Variants in KIAA1217 observed in about 807,000 individuals in gnomAD.
KIAA1217 encodes sickle tail protein homolog.
A neutral mutation model predicts 163.9 loss-of-function variants in KIAA1217; 88 were observed. That is an observed-to-expected ratio of 0.54 (90% CI 0.45 to 0.64). The LOEUF (loss-of-function observed/expected upper bound fraction) is 0.64. Among genes scored for constraint, KIAA1217 ranks in the 30% least tolerant of loss-of-function variants. The probability of loss-of-function intolerance (pLI) is 0.00; values close to 1 mark genes in which losing one functional copy is unlikely to be tolerated. For synonymous variants in KIAA1217, 903 were observed against 923.1 expected, an observed-to-expected ratio of 0.98 and a Z score of 0.39; for missense variants, 2,372 against 2,475.0, an observed-to-expected ratio of 0.96 and a Z score of 0.88.
chr10:24,353,983 G>GCTGGGTTTT (rs1016292913), intron 2 of KIAA1217, among the ~76,000 whole-genome samples: 5 of 152,310 alleles, frequency 3.3e-5, no homozygotes, highest in African/African-American at 1.2e-4. Flanking sequence ...CAGAGCTGTA[G>GCTGGGTTTT]CTGGGTTTTC....
At chr10:24,456,244 T>C (rs1214240860) in intron 5 of KIAA1217, among the ~76,000 whole-genome samples, 1 of 152,230 alleles carries the variant, frequency 6.6e-6, no homozygotes, top group Non-Finnish European at 1.5e-5. Context: ...TGTTCTTACA[T>C]TGGCTGCATC....
intron 2 of KIAA1217, among the ~76,000 whole-genome samples, chr10:24,314,656 T>C (rs375047492): frequency 1.2e-4 from 18 of 152,196 alleles, no homozygotes; most frequent in African/African-American, 4.1e-4. Flanking sequence ...AAAATATACA[T>C]ATTGGCCGGG....
At chr10:23,946,451 A>C (rs954247568) in intron 1 of KIAA1217, among the ~76,000 whole-genome samples, 1 of 152,066 alleles carries the variant, frequency 6.6e-6, no homozygotes, top group African/African-American at 2.4e-5. Context: ...ATATGCATTC[A>C]TTTTTAATTT....
chr10:24,310,365 A>T (rs991898758), intron 2 of KIAA1217, among the ~76,000 whole-genome samples: 2 of 152,192 alleles, frequency 1.3e-5, no homozygotes, highest in South Asian at 4.1e-4. Context: ...GTGGAGTAAC[A>T]TGCCTAAGGC....
intron 2 of KIAA1217, among the ~76,000 whole-genome samples, chr10:24,300,274 G>C (rs1358242634): frequency 6.6e-6 from 1 of 152,132 alleles, no homozygotes; most frequent in Non-Finnish European, 1.5e-5. Context: ...GTTTCCTTTT[G>C]GGAGAATTAT....
intron 2 of KIAA1217, among the ~76,000 whole-genome samples, chr10:24,047,328 T>C (rs1188744283): frequency 6.6e-6 from 1 of 152,144 alleles, no homozygotes; most frequent in Non-Finnish European, 1.5e-5. Flanking sequence ...TCAAGTCTAA[T>C]TCTCTTCTGA....
Position 24,300,009 on chromosome 10 carries a change from C to T in KIAA1217, c.354+80100C>T, listed in dbSNP as rs78621759. On this transcript the variant is annotated intron_variant, in intron 2 of 20. Transcript: ENST00000376454. ...CAGATGCAAGAGATATAGCTTCACC[C>T]GTGCTTCCTATCTTCCTGTGATTTC... 1.0e-2 allele frequency among the ~76,000 whole-genome samples: 1,520 copies of T among 152,252 alleles called. 30 individuals are homozygous for T. Among genetic ancestry groups the T allele is most frequent in the East Asian group, 0.082 (424 of 5,148 alleles).
intron 2 of KIAA1217, among the ~76,000 whole-genome samples, chr10:24,303,117 G>C (rs962486848): frequency 1.3e-5 from 2 of 152,046 alleles, no homozygotes; most frequent in Non-Finnish European, 2.9e-5. Context: ...GGGCTCCAGC[G>C]ATCCTCCCAT....
chr10:23,940,268 G>A (rs1028294370), intron 1 of KIAA1217, among the ~76,000 whole-genome samples: 2 of 151,400 alleles, frequency 1.3e-5, no homozygotes, highest in African/African-American at 2.4e-5. Context: ...GAGACCAGTC[G>A]GGCCAAAATG....
chr10:24,395,911 G>T (rs2055676833), intron 3 of KIAA1217, among the ~76,000 whole-genome samples: 1 of 152,040 alleles, frequency 6.6e-6, no homozygotes, highest in Non-Finnish European at 1.5e-5. Context: ...CAAGCTTCAG[G>T]TGGTCATCTA....
At chr10:24,104,063 G>A (rs2062525338) in intron 2 of KIAA1217, among the ~76,000 whole-genome samples, 1 of 152,000 alleles carries the variant, frequency 6.6e-6, no homozygotes, top group Non-Finnish European at 1.5e-5. Flanking sequence ...CATTACTGGT[G>A]GGAATGCAAA....
chr10:24,538,366 G>A (rs988025679), intron 17 of KIAA1217, among the ~76,000 whole-genome samples: 1 of 152,110 alleles, frequency 6.6e-6, no homozygotes, highest in African/African-American at 2.4e-5. Context: ...GGGGGTTATT[G>A]TTGATAAATG....
In KIAA1217 at chr10:24,516,707, T is replaced by C. The variant is rs192493020; in HGVS notation, c.2177+3273T>C. Among the ~76,000 whole-genome samples the C allele has an allele frequency of 2.4e-4, 36 of 152,274 alleles. No homozygotes were observed. In the East Asian group the frequency reaches 5.8e-3, roughly 24 times the overall value. On this transcript the variant is annotated intron_variant, in intron 10 of 20. Coordinates refer to ENST00000376454, the MANE Select transcript of KIAA1217 (RefSeq NM_019590.5). Reference sequence around the variant, plus strand: ...ATTAAGAGGAAAATAGATCAGTGACTAGGAGACCATATGGGAAGCTACTGT... The same window carrying C: ...ATTAAGAGGAAAATAGATCAGTGACCAGGAGACCATATGGGAAGCTACTGT...
chr10:24,260,674 G>C (rs1564361380), intron 2 of KIAA1217, among the ~76,000 whole-genome samples: 1 of 151,018 alleles, frequency 6.6e-6, no homozygotes, highest in Non-Finnish European at 1.5e-5. Context: ...GAGCCCAGGA[G>C]TTCGAGGCTG....
intron 1 of KIAA1217, among the ~76,000 whole-genome samples, chr10:23,944,467 T>TA (rs145351511): frequency 0.02 from 2,897 of 144,458 alleles, 43 homozygotes; most frequent in African/African-American, 0.049. Flanking sequence ...TAATAAGCTC[T>TA]AAAAAAAAAA....
chr10:23,868,905 A>G (rs1346600007), intron 1 of KIAA1217, among the ~76,000 whole-genome samples: 1 of 152,130 alleles, frequency 6.6e-6, no homozygotes, highest in Non-Finnish European at 1.5e-5. Context: ...ATAAAAATAG[A>G]CCTGTTCTGA....
At chr10:24,411,777 C>A (rs1283672875) in intron 3 of KIAA1217, among the ~76,000 whole-genome samples, 3 of 150,522 alleles carry the variant, frequency 2.0e-5, no homozygotes. Context: ...TTTTTTTTTT[C>A]ATTCGTGTCA....
chr10:24,482,224 A>G (rs1202118482), intron 6 of KIAA1217: 3 of 152,236 alleles, frequency 2.0e-5, no homozygotes, highest in Admixed American at 6.5e-5. Flanking sequence ...TCTCAAAAGG[A>G]AAAGGCGTCG....
intron 2 of KIAA1217, among the ~76,000 whole-genome samples, chr10:24,227,213 A>G (rs1317100735): frequency 2.0e-5 from 3 of 151,934 alleles, no homozygotes; most frequent in Non-Finnish European, 4.4e-5. Context: ...GCTGGAGTGC[A>G]ATGGCGCGAT....
Sources: gnomAD v4.1 joint callset for allele counts (sites outside exome capture counted in the v4.1 genomes callset) on GRCh38, gnomAD v4.1.1 for gene constraint, MANE v1.5 for transcripts, NCBI Gene and HGNC (gene_info 2026-07-23, HGNC 2026-07-21) for gene names.